The following SLC8A1 variants were observed in gnomAD, a reference collection of about 807,000 sequenced individuals.
SLC8A1 encodes solute carrier family 8 member A1, also known as sodium/calcium exchanger 1.
A neutral mutation model predicts 68.3 loss-of-function variants in SLC8A1; 18 were observed. That is an observed-to-expected ratio of 0.26 (90% CI 0.18 to 0.39). The LOEUF (loss-of-function observed/expected upper bound fraction) is 0.39, where lower values mean the gene tolerates loss of function less well. Among genes scored for constraint, SLC8A1 ranks in the 10% least tolerant of loss-of-function variants. The pLI is 1.00. For missense variants in SLC8A1, 985 were observed against 1,156.7 expected, an observed-to-expected ratio of 0.85 and a Z score of 2.15; for synonymous variants, 475 against 415.5, an observed-to-expected ratio of 1.14 and a Z score of -1.74.
chr2:40,394,803 T>C (rs540819391), intron 2 of SLC8A1, among the ~76,000 whole-genome samples: 3 of 152,094 alleles, frequency 2.0e-5, no homozygotes, highest in Non-Finnish European at 2.9e-5. Context: ...AATCTACCCA[T>C]CATGCTAGCT....
At chr2:40,208,609 G>A (rs2055957350) in intron 2 of SLC8A1, among the ~76,000 whole-genome samples, 1 of 152,000 alleles carries the variant, frequency 6.6e-6, no homozygotes, top group Non-Finnish European at 1.5e-5. Flanking sequence ...TTATATAGAG[G>A]GTAATGGTTT....
At chr2:40,303,129 G>A (rs998907597) in intron 2 of SLC8A1, among the ~76,000 whole-genome samples, 1 of 152,164 alleles carries the variant, frequency 6.6e-6, no homozygotes, top group Non-Finnish European at 1.5e-5. Flanking sequence ...TTTTGGATAA[G>A]TGATGATTTC....
At chr2:40,154,373 G>A (rs981513015) in intron 6 of SLC8A1, among the ~76,000 whole-genome samples, 5 of 143,124 alleles carry the variant, frequency 3.5e-5, no homozygotes, top group African/African-American at 1.0e-4. Flanking sequence ...TTGAGATCTC[G>A]GCTCACTGCA....
At chr2:40,190,256 C>A in intron 2 of SLC8A1, among the ~76,000 whole-genome samples, 1 of 152,176 alleles carries the variant, frequency 6.6e-6, no homozygotes, top group East Asian at 1.9e-4. Flanking sequence ...AAGCCCTCCA[C>A]TTTTCATTCT....
At chr2:40,402,721 T>C (rs1689117661) in intron 2 of SLC8A1, among the ~76,000 whole-genome samples, 1 of 152,186 alleles carries the variant, frequency 6.6e-6, no homozygotes, top group Non-Finnish European at 1.5e-5. Context: ...CTTCACCACG[T>C]CTTTCTGCAG....
intron 2 of SLC8A1, among the ~76,000 whole-genome samples, chr2:40,393,092 A>C (rs1193028726): frequency 6.6e-6 from 1 of 152,120 alleles, no homozygotes; most frequent in Non-Finnish European, 1.5e-5. Context: ...TTCAGATTTT[A>C]AAAAATATGT....
chr2:40,236,546 C>CT (rs1364716467), intron 2 of SLC8A1, among the ~76,000 whole-genome samples: 2 of 150,106 alleles, frequency 1.3e-5, no homozygotes, highest in East Asian at 3.9e-4. Flanking sequence ...GGTCTTGACT[C>CT]TTTATCCAAT....
intron 2 of SLC8A1, among the ~76,000 whole-genome samples, chr2:40,326,070 G>C (rs905216194): frequency 6.6e-6 from 1 of 152,080 alleles, no homozygotes; most frequent in Non-Finnish European, 1.5e-5. Flanking sequence ...TCTATCAGCA[G>C]CTGTGCAATC....
intron 6 of SLC8A1, among the ~76,000 whole-genome samples, chr2:40,149,313 T>G (rs2058693): frequency 0.28 from 42,190 of 152,174 alleles, 6,241 homozygotes; most frequent in East Asian, 0.62. Flanking sequence ...ATAAGATCCC[T>G]GATCTCATAG....
At chr2:40,349,589 G>A (rs76216188) in intron 2 of SLC8A1, among the ~76,000 whole-genome samples, 3 of 151,996 alleles carry the variant, frequency 2.0e-5, no homozygotes, top group African/African-American at 7.2e-5. Flanking sequence ...TACCTCACAG[G>A]GTTATTGTGA....
At chr2:40,494,637 TATA>T (rs1705553830) in intron 1 of SLC8A1, among the ~76,000 whole-genome samples, 1 of 98,418 alleles carries the variant, frequency 1.0e-5, no homozygotes. Flanking sequence ...GAACTTAAAG[TATA>T]ATATATATAT....
rs530080655 is a variant in SLC8A1, at chr2:40,152,354, G to A, written c.2161+8411C>T. ...CATAGTAAAACAACAGATAAATAGAGTTAATGTGAGGCAGAAGAACAGGCG... is the reference window on the plus strand; with the variant it reads ...CATAGTAAAACAACAGATAAATAGAATTAATGTGAGGCAGAAGAACAGGCG... On this transcript the variant is annotated intron_variant, in intron 6 of 7. Coordinates refer to ENST00000406785, the Ensembl canonical transcript of SLC8A1. 1.4e-4 allele frequency among the ~76,000 whole-genome samples: 22 copies of A among 152,252 alleles called. No homozygotes were observed. In the East Asian group the frequency reaches 4.1e-3, roughly 28 times the overall value.
intron 7 of SLC8A1, among the ~76,000 whole-genome samples, chr2:40,116,533 A>T (rs968167047): frequency 2.0e-5 from 3 of 152,034 alleles, no homozygotes; most frequent in African/African-American, 2.4e-5. Context: ...TCACTGTTCA[A>T]TTCCCACCTA....
intron 6 of SLC8A1, among the ~76,000 whole-genome samples, chr2:40,140,953 C>T (rs1173538063): frequency 6.6e-6 from 1 of 152,208 alleles, no homozygotes; most frequent in Non-Finnish European, 1.5e-5. Flanking sequence ...ATGGAGATTT[C>T]ACTTATGTGA....
chr2:40,101,515 T>C lies in SLC8A1; in HGVS notation c.*13738A>G, dbSNP rs2033891541. On this transcript the variant is annotated 3_prime_UTR_variant, in exon 8 of 8. Coordinates refer to ENST00000406785, the Ensembl canonical transcript of SLC8A1. Reference sequence around the variant, plus strand: ...GCTGTGGGGTTTTAAAAGAACTAGATAAGCTGATTAGAAATCTCTGACTGG... The same window carrying C: ...GCTGTGGGGTTTTAAAAGAACTAGACAAGCTGATTAGAAATCTCTGACTGG... 4 of 90,908 alleles carry C rather than the reference T, an allele frequency of 4.4e-5. No individual in the cohort carries two copies. In the South Asian group the frequency reaches 1.5e-3, roughly 35 times the overall value. 5.6% of individuals were successfully genotyped at this position (90,908 alleles called of 1,614,324 possible).
exon 8 of SLC8A1, chr2:40,106,482 AC>A (rs2034208976): frequency 1.3e-5 from 2 of 152,130 alleles, no homozygotes; most frequent in African/African-American, 2.4e-5. Context: ...AAAAAAAAAA[AC>A]AACTAAATCT....
chr2:40,280,537 T>C (rs1024823893), intron 2 of SLC8A1, among the ~76,000 whole-genome samples: 1 of 152,220 alleles, frequency 6.6e-6, no homozygotes, highest in Non-Finnish European at 1.5e-5. Context: ...TGCAATACCA[T>C]CATGCTAAAT....
chr2:40,320,568 A>G (rs969414922), intron 2 of SLC8A1, among the ~76,000 whole-genome samples: 3 of 152,204 alleles, frequency 2.0e-5, no homozygotes, highest in Admixed American at 6.5e-5. Flanking sequence ...AATAACAAGG[A>G]AATAGCTTTC....
In SLC8A1 at chr2:40,178,324, G is replaced by T; in HGVS notation, c.1809-469C>A. 3 of 1,179,612 alleles carry T rather than the reference G, an allele frequency of 2.5e-6. No individual in the cohort carries two copies. In the Admixed American group the frequency reaches 5.1e-5, roughly 20 times the overall value. The allele number at this position is 1,179,612 out of a possible 1,614,324, so 73.1% of individuals were successfully genotyped here. On this transcript the variant is annotated intron_variant, in intron 2 of 7. Transcript: ENST00000406785. ...GTAAGTCATGTTCTGAAGAGTGCAG[G>T]CATCCAGGGGTGGCACAGGCCAGCA...
Sources: gnomAD v4.1 joint callset for allele counts (sites outside exome capture counted in the v4.1 genomes callset) on GRCh38, gnomAD v4.1.1 for gene constraint, MANE v1.5 for transcripts, NCBI Gene and HGNC (gene_info 2026-07-23, HGNC 2026-07-21) for gene names.